RIC1: variants seen among roughly 807,000 people sequenced by gnomAD.
The protein encoded by RIC1 is RIC1 partner of RAB6A GEF complex.
In RIC1, 88 loss-of-function variants were observed where a neutral mutation model predicts 169.0. The ratio of observed to expected loss-of-function variants is 0.52; its 90% CI spans 0.44 to 0.62. The LOEUF is 0.62. RIC1 is among the 20% of genes least tolerant of loss of function. The pLI is 0.00. For missense variants in RIC1, 1,877 were observed against 1,725.5 expected (o/e 1.09, Z -1.56); for synonymous variants, 790 against 601.5 (o/e 1.31, Z -4.59).
intron 12 of RIC1, among the ~76,000 whole-genome samples, chr9:5,749,060 C>T (rs377428191): frequency 2.0e-5 from 3 of 152,128 alleles, no homozygotes; most frequent in South Asian, 4.1e-4. Flanking sequence ...CCTAAGAGAT[C>T]ATAAAGTCCA....
rs1315225217 is a variant in RIC1, at chr9:5,776,506, G to A, written c.*2260G>A. On this transcript the variant is annotated 3_prime_UTR_variant, in exon 26 of 26. Transcript: ENST00000414202. ...TGTAATTAAAGTTGCTGCTATTTCTGTAATGTGTATTTTTCTCCCCTTGGT... is the reference window on the plus strand; with the variant it reads ...TGTAATTAAAGTTGCTGCTATTTCTATAATGTGTATTTTTCTCCCCTTGGT... 1 of 151,948 alleles carries A rather than the reference G, an allele frequency of 6.6e-6. No homozygotes were observed. The highest frequency in any genetic ancestry group is 1.9e-4 in the East Asian group (1 of 5,196). 9.4% of individuals were successfully genotyped at this position (151,948 alleles called of 1,614,324 possible).
At chr9:5,724,458 C>T (rs532028105) in intron 6 of RIC1, among the ~76,000 whole-genome samples, 6 of 152,208 alleles carry the variant, frequency 3.9e-5, no homozygotes, top group South Asian at 2.1e-4. Flanking sequence ...GGAGATTTTG[C>T]GCTGAGACTA....
intron 12 of RIC1, among the ~76,000 whole-genome samples, chr9:5,750,430 CAG>C (rs977343724): frequency 6.6e-6 from 1 of 151,774 alleles, no homozygotes; most frequent in African/African-American, 2.4e-5. Flanking sequence ...GGGATTTCAA[CAG>C]AGAGTATTTA....
At position 5,772,599 on chromosome 9, in the gene RIC1, A is replaced by T; in HGVS notation, c.3652A>T (p.Thr1218Ser). Residue 1218 changes from threonine (T) to serine (S), a missense_variant, in exon 24 of 26, where the codon ACT (threonine) becomes TCT (serine). Thr to Ser is a moderately conservative substitution (Grantham distance 58). This residue lies in a region of RIC1 where 681 missense variants were observed against 582.0 expected (regional missense o/e 1.17). Coordinates refer to ENST00000414202, the MANE Select transcript of RIC1 (RefSeq NM_020829.4). ...CAGTATTGGTTCAGCCACAGACTTG[A>T]CTGAAAGTAGCTCCATGGTGGATGG... ...ECSIGSATDL[T>S]ESSSMVDGDW... The T allele has an allele frequency of 2.5e-6, 4 of 1,613,556 alleles. No individual in the cohort carries two copies. The highest frequency in any genetic ancestry group is 3.4e-6 in the Non-Finnish European group (4 of 1,179,764).
At chr9:5,677,169 CTA>C (rs1386441053) in intron 2 of RIC1, among the ~76,000 whole-genome samples, 9 of 152,196 alleles carry the variant, frequency 5.9e-5, no homozygotes, top group Non-Finnish European at 1.2e-4. Flanking sequence ...CTATTTTCCT[CTA>C]TCTTTGCCAA....
rs1235657150 is a variant in RIC1, at chr9:5,647,966, TGGTG to T, written c.145-8615_145-8612del. Among the ~76,000 whole-genome samples, 398 of 132,476 alleles carry T rather than the reference TGGTG, an allele frequency of 3.0e-3. 3 individuals are homozygous for T. The highest frequency in any genetic ancestry group is 0.012 in the African/African-American group (357 of 30,702). The allele number at this position is 132,476 out of a possible 152,430, so 86.9% of individuals were successfully genotyped here. ...GTGGTGGTGGTGGTGGTGGTGGTGG[TGGTG>T]GTGATGGTGGTGGTGGTGGTGGTAG... On this transcript the variant is annotated intron_variant, in intron 1 of 25. Coordinates refer to ENST00000414202, the MANE Select transcript of RIC1 (RefSeq NM_020829.4).
At position 5,702,776 on chromosome 9, in the gene RIC1, A is replaced by G. The variant is rs189563543; in HGVS notation, c.333-11120A>G. Among the ~76,000 whole-genome samples the G allele has an allele frequency of 6.0e-3, 911 of 152,210 alleles. 4 individuals are homozygous for G. The highest frequency in any genetic ancestry group is 7.8e-3 in the Non-Finnish European group (529 of 67,992). On this transcript the variant is annotated intron_variant, in intron 3 of 25. Coordinates refer to ENST00000414202, the MANE Select transcript of RIC1 (RefSeq NM_020829.4). ...TGCCCAGGCTGGTCTCGAACTCCTG[A>G]GCTCAGGCATTCTGCCCGACTTGGC...
intron 2 of RIC1, among the ~76,000 whole-genome samples, chr9:5,682,215 T>G (rs1203893417): frequency 6.6e-6 from 1 of 152,214 alleles, no homozygotes; most frequent in Non-Finnish European, 1.5e-5. Flanking sequence ...TGTTAGCTGG[T>G]TATTTTGCTT....
chr9:5,776,309 A>G lies in RIC1; in HGVS notation c.*2063A>G, dbSNP rs1023300222. ...TATATACCTTAATTTTTAAAAACCC[A>G]TTTTTATTGTGGTGTTTGGTTCACA... On this transcript the variant is annotated 3_prime_UTR_variant, in exon 26 of 26. Coordinates refer to ENST00000414202, the MANE Select transcript of RIC1 (RefSeq NM_020829.4). 4 of 152,178 alleles carry G rather than the reference A, an allele frequency of 2.6e-5. No homozygotes were observed. The highest frequency in any genetic ancestry group is 1.9e-4 in the East Asian group (1 of 5,204). 9.4% of individuals were successfully genotyped at this position (152,178 alleles called of 1,614,324 possible).
intron 1 of RIC1, among the ~76,000 whole-genome samples, chr9:5,648,951 G>T (rs1003565829): frequency 1.3e-5 from 2 of 152,136 alleles, no homozygotes; most frequent in African/African-American, 4.8e-5. Context: ...CCATTCAAAA[G>T]GAAGGTTATT....
rs2131166973 is a variant in RIC1 at position 5,774,790 on chromosome 9, T to A, written c.*544T>A. On this transcript the variant is annotated 3_prime_UTR_variant, in exon 26 of 26. Transcript: ENST00000414202. ...ATGGAAACATTCTCCTTGGCTTTAC[T>A]AGCCAGTCAAATCCCAGTCCAGAAT... is the stretch of plus-strand genomic sequence containing the variant. 1 of 152,416 alleles carries A rather than the reference T, an allele frequency of 6.6e-6. No individual in the cohort carries two copies. The highest frequency in any genetic ancestry group is 1.9e-4 in the East Asian group (1 of 5,182). The allele number at this position is 152,416 out of a possible 1,614,324, so 9.4% of individuals were successfully genotyped here. A position where few individuals can be genotyped will look rare whatever the true frequency, so the allele number is the denominator to read the frequency against.
intron 2 of RIC1, among the ~76,000 whole-genome samples, chr9:5,677,627 TG>T (rs1820531627): frequency 2.6e-5 from 4 of 151,866 alleles, no homozygotes; most frequent in African/African-American, 9.7e-5. Context: ...TCTCCAACTT[TG>T]TTCATTTTCA....
At chr9:5,651,317 CT>C (rs1010540052) in intron 1 of RIC1, among the ~76,000 whole-genome samples, 28 of 151,872 alleles carry the variant, frequency 1.8e-4, no homozygotes, top group African/African-American at 6.8e-4. Flanking sequence ...AGTGTTGTGT[CT>C]TAGATGTTCT....
chr9:5,647,821 C>T (rs980848356), intron 1 of RIC1, among the ~76,000 whole-genome samples: 1 of 152,028 alleles, frequency 6.6e-6, no homozygotes, highest in African/African-American at 2.4e-5. Context: ...TGTCTTAATT[C>T]TGACCTTTGA....
intron 3 of RIC1, among the ~76,000 whole-genome samples, chr9:5,712,407 C>G (rs1191003781): frequency 6.6e-6 from 1 of 152,134 alleles, no homozygotes; most frequent in African/African-American, 2.4e-5. Flanking sequence ...AAGAGGCAAC[C>G]TACAGAATGG....
At chr9:5,742,679 TAGATCAGGACAAA>T (rs1040692114) in intron 8 of RIC1, among the ~76,000 whole-genome samples, 177 bp from the exon 9 acceptor site, 1 of 152,002 alleles carries the variant, frequency 6.6e-6, no homozygotes, top group Admixed American at 6.6e-5. Flanking sequence ...TTGTTCTGCT[TAGATCAGGACAAA>T]ACTAATGGCC....
chr9:5,725,341 G>A (rs1442558588), intron 6 of RIC1, among the ~76,000 whole-genome samples: 3 of 152,128 alleles, frequency 2.0e-5, no homozygotes, highest in Non-Finnish European at 4.4e-5. Context: ...TAGTTTATTT[G>A]CTTAGAGGTG....
At chr9:5,680,099 CAT>C (rs1820723655) in intron 2 of RIC1, among the ~76,000 whole-genome samples, 1 of 152,140 alleles carries the variant, frequency 6.6e-6, no homozygotes, top group African/African-American at 2.4e-5. Context: ...TTGAGATAAT[CAT>C]GTGGTTTTTG....
At chr9:5,667,097 G>T (rs1036832652) in intron 2 of RIC1, among the ~76,000 whole-genome samples, 1 of 152,184 alleles carries the variant, frequency 6.6e-6, no homozygotes, top group Non-Finnish European at 1.5e-5. Flanking sequence ...AGCTGAGGCG[G>T]GAGGATTGCT....
Sources: allele counts gnomAD v4.1 joint callset (sites outside exome capture counted in the v4.1 genomes callset), GRCh38; gene constraint gnomAD v4.1.1; regional missense constraint gnomAD v4.1.1; transcripts MANE v1.5; gene names NCBI Gene and HGNC (gene_info 2026-07-23, HGNC 2026-07-21).